The following ANKS1B variants were observed in gnomAD, a reference collection of about 807,000 sequenced individuals.
ANKS1B encodes ankyrin repeat and sterile alpha motif domain-containing protein 1B.
In ANKS1B, 36 loss-of-function variants were observed where a neutral mutation model predicts 148.3. That is an observed-to-expected ratio of 0.24 (90% CI 0.19 to 0.32). ANKS1B has a LOEUF of 0.32. Ranked by LOEUF, ANKS1B falls within the 10% of genes least tolerant of loss-of-function variation. The probability of loss-of-function intolerance (pLI) is 1.00; values close to 1 mark genes in which losing one functional copy is unlikely to be tolerated. For missense variants in ANKS1B, 1,157 were observed against 1,542.6 expected (o/e 0.75, Z 4.19); for synonymous variants, 542 against 560.8 (o/e 0.97, Z 0.47).
At chr12:99,026,220 AC>A (rs1487828459) in intron 17 of ANKS1B, among the ~76,000 whole-genome samples, 1 of 152,200 alleles carries the variant, frequency 6.6e-6, no homozygotes, top group African/African-American at 2.4e-5. Context: ...CAATAGCCAA[AC>A]TTAAAATGAG....
intron 9 of ANKS1B, among the ~76,000 whole-genome samples, chr12:99,590,254 C>CACACA (rs2097687488): frequency 2.3e-5 from 3 of 130,266 alleles, no homozygotes; most frequent in Non-Finnish European, 3.3e-5. Context: ...ACACCCACAC[C>CACACA]CACCCACACA....
At chr12:99,139,184 CTTT>C (rs2069230740) in intron 15 of ANKS1B, among the ~76,000 whole-genome samples, 1 of 150,736 alleles carries the variant, frequency 6.6e-6, no homozygotes, top group South Asian at 2.1e-4. Context: ...TTCTTTCTTT[CTTT>C]TTCTCTTTGT....
At chr12:99,604,815 CAAAAA>C (rs150262116) in intron 9 of ANKS1B, among the ~76,000 whole-genome samples, 2 of 81,108 alleles carry the variant, frequency 2.5e-5, no homozygotes, top group Non-Finnish European at 5.2e-5. Flanking sequence ...AACTCTATCT[CAAAAA>C]AAAAAAAAAA....
intron 17 of ANKS1B, among the ~76,000 whole-genome samples, chr12:98,906,513 A>T (rs1037386613): frequency 1.3e-5 from 2 of 152,208 alleles, no homozygotes; most frequent in African/African-American, 4.8e-5. Context: ...CTCTGATCTG[A>T]GGAGGAGTCC....
intron 10 of ANKS1B, among the ~76,000 whole-genome samples, chr12:99,445,609 T>G (rs2095623859): frequency 2.6e-5 from 4 of 152,080 alleles, no homozygotes. Flanking sequence ...TGAGAATATA[T>G]GAACTTTGTA....
At chr12:99,532,569 C>CCATCATT (rs2097010942) in intron 9 of ANKS1B, among the ~76,000 whole-genome samples, 2 of 152,128 alleles carry the variant, frequency 1.3e-5, no homozygotes, top group African/African-American at 4.8e-5. Flanking sequence ...ATCGTGTTAG[C>CCATCATT]CAGGATGGTC....
chr12:99,634,902 G>T (rs1397721312), intron 9 of ANKS1B, among the ~76,000 whole-genome samples: 1 of 152,034 alleles, frequency 6.6e-6, no homozygotes, highest in African/African-American at 2.4e-5. Flanking sequence ...GAATATATAA[G>T]AAACTCCTAC....
chr12:99,318,977 G>C (rs553736084), intron 12 of ANKS1B, among the ~76,000 whole-genome samples: 2 of 152,124 alleles, frequency 1.3e-5, no homozygotes, highest in East Asian at 1.9e-4. Context: ...GTAGTTGAGC[G>C]GTTTTGAGTG....
chr12:99,079,380 C>T (rs1392882350), intron 16 of ANKS1B, among the ~76,000 whole-genome samples: 2 of 151,980 alleles, frequency 1.3e-5, no homozygotes, highest in Non-Finnish European at 2.9e-5. Flanking sequence ...TTCTCAGTGC[C>T]ATTCAGTGAA....
chr12:98,814,128 C>A (rs578107939), intron 19 of ANKS1B, among the ~76,000 whole-genome samples: 1 of 152,048 alleles, frequency 6.6e-6, no homozygotes, highest in Non-Finnish European at 1.5e-5. Flanking sequence ...GATCTGCCTG[C>A]CTCGGCCTCC....
At chr12:99,564,623 TTTC>T (rs1276647151) in intron 9 of ANKS1B, among the ~76,000 whole-genome samples, 4 of 152,062 alleles carry the variant, frequency 2.6e-5, no homozygotes, top group African/African-American at 9.7e-5. Context: ...GAATACATAA[TTTC>T]TTCTTATCCT....
In ANKS1B at chr12:99,812,269, A is replaced by G. The variant is rs757371803; in HGVS notation, c.258T>C (p.Asn86=). 6.2e-7 allele frequency: 1 copy of G among 1,611,756 alleles called. No homozygotes were observed. The highest frequency in any genetic ancestry group is 1.1e-5 in the South Asian group (1 of 91,000). ...GAAAATACCCTTTGTTGTCTGCTACATTTGTTGATGCCTCATACTGAAGTA... is the reference window on the plus strand; with the variant it reads ...GAAAATACCCTTTGTTGTCTGCTACGTTTGTTGATGCCTCATACTGAAGTA... ...LKLLQYEAST[N]VADNKGYFPI... Residue 86 remains asparagine (N), a synonymous_variant, in exon 3 of 27, where the codon AAT becomes AAC. Transcript: ENST00000683438.
chr12:99,059,802 T>C (rs777691450), intron 16 of ANKS1B, among the ~76,000 whole-genome samples: 1 of 147,034 alleles, frequency 6.8e-6, no homozygotes, highest in African/African-American at 2.5e-5. Context: ...TATATATATA[T>C]ATATGATAGG....
At chr12:98,868,141 C>T (rs1191250759) in intron 17 of ANKS1B, among the ~76,000 whole-genome samples, 1 of 152,204 alleles carries the variant, frequency 6.6e-6, no homozygotes, top group Non-Finnish European at 1.5e-5. Context: ...CAGGTTTCAG[C>T]AGCTCTGGAC....
At chr12:98,974,864 C>G (rs1052327525) in intron 17 of ANKS1B, among the ~76,000 whole-genome samples, 3 of 151,218 alleles carry the variant, frequency 2.0e-5, no homozygotes, top group African/African-American at 7.3e-5. Flanking sequence ...TCCCTCTTTT[C>G]CTTCCTTCCC....
chr12:98,764,485 C>T (rs2098454657), intron 25 of ANKS1B, among the ~76,000 whole-genome samples: 1 of 152,200 alleles, frequency 6.6e-6, no homozygotes, highest in South Asian at 2.1e-4. Context: ...GCCTCAGCCT[C>T]CTAAAGTGCT....
At chr12:98,894,863 G>A (rs1222854633) in intron 17 of ANKS1B, 38 of 979,494 alleles carry the variant, frequency 3.9e-5, no homozygotes, top group Admixed American at 1.3e-4. Flanking sequence ...GGCTCTCCCC[G>A]CGAGCTCCCC....
chr12:98,889,350 A>ATTT (rs199671576), intron 17 of ANKS1B, among the ~76,000 whole-genome samples: 6 of 145,634 alleles, frequency 4.1e-5, no homozygotes, highest in African/African-American at 1.5e-4. Context: ...AACCTTTTTT[A>ATTT]TTTTTTTTTT....
chr12:99,723,202 G>C lies in ANKS1B; in HGVS notation c.1128+49720C>G, dbSNP rs1049677942. ...TTGTTTAAGCCATTTGAGCTCTTTGGGGGAGGGGCAGCAGCCAGCACTGGG... is the reference window on the plus strand; with the variant it reads ...TTGTTTAAGCCATTTGAGCTCTTTGCGGGAGGGGCAGCAGCCAGCACTGGG... On this transcript the variant is annotated intron_variant, in intron 8 of 26. Coordinates refer to ENST00000683438, the MANE Select transcript of ANKS1B (RefSeq NM_001352186.2). 5.9e-5 allele frequency among the ~76,000 whole-genome samples: 9 copies of C among 152,318 alleles called. 1 individual carries two copies. In the Middle Eastern group the frequency reaches 0.01, roughly 173 times the overall value.
Sources: allele counts gnomAD v4.1 joint callset (sites outside exome capture counted in the v4.1 genomes callset), GRCh38; gene constraint gnomAD v4.1.1; transcripts MANE v1.5; gene names NCBI Gene and HGNC (gene_info 2026-07-23, HGNC 2026-07-21).